The following PRH1 variants were observed in gnomAD, a reference collection of about 807,000 sequenced individuals.
PRH1 encodes proline rich protein HaeIII subfamily 1, also known as salivary acidic proline-rich phosphoprotein 1/2.
A neutral mutation model predicts 7.9 loss-of-function variants in PRH1; 7 were observed. The observed-to-expected ratio is 0.89, with a 90% confidence interval of 0.50 to 1.67. PRH1 has a LOEUF of 1.67. PRH1 is among the 40% of genes most tolerant of loss of function. The pLI is 0.00. For synonymous variants in PRH1, 45 were observed against 80.8 expected (o/e 0.56, Z 2.38); for missense variants, 109 against 223.6 (o/e 0.49, Z 3.27).
At chr12:10,931,133 A>C in intron 2 of PRH1, 6 of 1,586,474 alleles carry the variant, frequency 3.8e-6, no homozygotes, top group Non-Finnish European at 5.1e-6. Context: ...CAGTTCTCCA[A>C]CTTCATTGTG....
chr12:10,989,897 A>G (rs1399023137), intron 1 of PRH1, among the ~76,000 whole-genome samples: 1 of 152,046 alleles, frequency 6.6e-6, no homozygotes, highest in Non-Finnish European at 1.5e-5. Context: ...TCCTCTACCT[A>G]CTTTTCAGAT....
intron 1 of PRH1, among the ~76,000 whole-genome samples, chr12:11,066,194 C>T (rs907850937): frequency 2.5e-5 from 3 of 120,056 alleles, no homozygotes; most frequent in East Asian, 2.1e-4. Flanking sequence ...AATCCCTATC[C>T]GTGAGTATAG....
intron 1 of PRH1, among the ~76,000 whole-genome samples, chr12:11,036,374 C>T (rs1457895965): frequency 6.6e-6 from 1 of 152,130 alleles, no homozygotes; most frequent in African/African-American, 2.4e-5. Flanking sequence ...CCATTTAATC[C>T]TATCCATGAA....
chr12:11,002,798 T>G (rs2136022791), intron 1 of PRH1, among the ~76,000 whole-genome samples: 1 of 152,150 alleles, frequency 6.6e-6, no homozygotes, highest in African/African-American at 2.4e-5. Context: ...GTTGAAAAAT[T>G]TATAGTAACA....
rs1314372005 is a variant in PRH1, at chr12:11,087,190, C to A, written n.124-40002G>T. ...AATCATAGCCCACTGCAGCCTTGAA[C>A]TCCTGGGCTCAAGCAATCCTCCTGC... On this transcript the variant is annotated intron_variant and non_coding_transcript_variant, in intron 1 of 4. Coordinates refer to the PRH1 transcript ENST00000541977. 1.5e-4 allele frequency among the ~76,000 whole-genome samples: 17 copies of A among 115,150 alleles called. 5 individuals are homozygous for A. Among genetic ancestry groups the A allele is most frequent in the African/African-American group, 5.0e-4 (17 of 34,234 alleles). 75.5% of individuals were successfully genotyped at this position (115,150 alleles called of 152,430 possible). A position where few individuals can be genotyped will look rare whatever the true frequency, so the allele number is the denominator to read the frequency against.
intron 1 of PRH1, among the ~76,000 whole-genome samples, chr12:11,100,365 T>C (rs758602868): frequency 6.6e-6 from 1 of 152,186 alleles, no homozygotes; most frequent in Non-Finnish European, 1.5e-5. Context: ...GGCATCCTCC[T>C]GCAACTTGGA....
chr12:10,926,303 T>C (rs897607397), intron 2 of PRH1, among the ~76,000 whole-genome samples: 1 of 152,194 alleles, frequency 6.6e-6, no homozygotes, highest in African/African-American at 2.4e-5. Context: ...TCGGAGAAGT[T>C]TATCCCCTCT....
intron 2 of PRH1, among the ~76,000 whole-genome samples, chr12:10,972,778 T>C (rs2135954325): frequency 6.6e-6 from 1 of 152,346 alleles, no homozygotes; most frequent in East Asian, 1.9e-4. Flanking sequence ...ACCAGATTTA[T>C]GTAGACAGAA....
At chr12:11,049,949 A>G (rs927905968), upstream of PRH1, among the ~76,000 whole-genome samples, 2 of 152,128 alleles carry the variant, frequency 1.3e-5, no homozygotes, top group African/African-American at 4.8e-5. Flanking sequence ...GCAATGAATT[A>G]TTTTCTTATA....
intron 1 of PRH1, among the ~76,000 whole-genome samples, chr12:11,088,078 T>C (rs1591988972): frequency 7.8e-6 from 1 of 128,870 alleles, no homozygotes; most frequent in East Asian, 2.0e-4. Context: ...CTGTGGCACA[T>C]GACTGTAATG....
chr12:11,154,764 C>CT (rs1947202934), intron 1 of PRH1, among the ~76,000 whole-genome samples: 1 of 152,122 alleles, frequency 6.6e-6, no homozygotes, highest in Non-Finnish European at 1.5e-5. Context: ...GACAAGGAGT[C>CT]TTTTAAAAAT....
intron 1 of PRH1, among the ~76,000 whole-genome samples, chr12:11,165,367 A>T (rs1448718722): frequency 6.6e-6 from 1 of 152,082 alleles, no homozygotes; most frequent in Non-Finnish European, 1.5e-5. Flanking sequence ...TCTGCCTTCA[A>T]TATTACTGAT....
intron 2 of PRH1, chr12:10,965,403 G>A: frequency 1.3e-6 from 1 of 772,308 alleles, no homozygotes; most frequent in East Asian, 4.6e-5. Context: ...AGCACTGGCT[G>A]TGATCCTTTA....
At chr12:11,159,994 CTTCA>C (rs1187246131) in intron 1 of PRH1, among the ~76,000 whole-genome samples, 21 of 152,282 alleles carry the variant, frequency 1.4e-4, no homozygotes, top group African/African-American at 5.1e-4. Context: ...GTCTATTTAT[CTTCA>C]GCATCAGCCA....
At chr12:11,030,838 G>C in intron 1 of PRH1, 2 of 1,614,166 alleles carry the variant, frequency 1.2e-6, no homozygotes, top group Non-Finnish European at 8.5e-7. Flanking sequence ...TCCTCAATTT[G>C]ATCTTCCAAG....
intron 1 of PRH1, chr12:11,005,890 G>A (rs2136029630): frequency 6.6e-6 from 1 of 151,844 alleles, no homozygotes; most frequent in African/African-American, 2.4e-5. Flanking sequence ...ATATTCCTTG[G>A]GCACTTATTA....
chr12:10,957,627 GAC>G (rs1938036789), intron 2 of PRH1, among the ~76,000 whole-genome samples: 1 of 152,036 alleles, frequency 6.6e-6, no homozygotes, highest in Admixed American at 6.5e-5. Context: ...AGAGTAAACA[GAC>G]AACCTGCAGA....
chr12:11,168,077 G>A (rs781452395), intron 1 of PRH1, among the ~76,000 whole-genome samples: 2 of 151,226 alleles, frequency 1.3e-5, no homozygotes, highest in African/African-American at 2.4e-5. Context: ...AGGTTTGAGG[G>A]GAGAAAAAGA....
intron 2 of PRH1, among the ~76,000 whole-genome samples, chr12:10,918,795 G>A (rs1345068638): frequency 6.6e-6 from 1 of 152,102 alleles, no homozygotes; most frequent in East Asian, 1.9e-4. Context: ...GTTTAAATGT[G>A]AGGCTGAATT....
Sources: allele counts gnomAD v4.1 joint callset (sites outside exome capture counted in the v4.1 genomes callset), GRCh38; gene constraint gnomAD v4.1.1; transcripts MANE v1.5; gene names NCBI Gene and HGNC (gene_info 2026-07-23, HGNC 2026-07-21).